Variants in FBXO31 observed in about 807,000 individuals in gnomAD.
FBXO31 encodes F-box protein 31, also known as F-box only protein 31.
Under a neutral mutation model 54.4 loss-of-function variants are expected in FBXO31, and 24 were observed. The ratio of observed to expected loss-of-function variants is 0.44; its 90% CI spans 0.32 to 0.62. The LOEUF (loss-of-function observed/expected upper bound fraction) is 0.62. FBXO31 is among the 20% of genes least tolerant of loss of function. The probability of loss-of-function intolerance (pLI) is 0.05; values close to 1 mark genes in which losing one functional copy is unlikely to be tolerated. For missense variants in FBXO31, 665 were observed against 787.1 expected, an observed-to-expected ratio of 0.84 and a Z score of 1.86; for synonymous variants, 388 against 335.6, an observed-to-expected ratio of 1.16 and a Z score of -1.71.
chr16:87,342,910 C>T lies in FBXO31; in HGVS notation c.699G>A (p.Thr233=), dbSNP rs377117956. ...TCCCGCCGGACATCCTGTGGTGGTC[C>T]GTCTGGTTGCACTTGGTGGAGAACT... The part of the protein sequence containing the change: ...KDEFSTKCNQ[T]DHHRMSGGRQ... Residue 233 remains threonine, a synonymous_variant, in exon 5 of 9, where the codon ACG becomes ACA. Transcript: ENST00000311635. 2.9e-5 allele frequency: 46 copies of T among 1,607,638 alleles called. No individual in the cohort carries two copies. The East Asian group carries it at 4.9e-4, about 17-fold the overall frequency.
chr16:87,340,510 A>C (rs1278741754), intron 5 of FBXO31, among the ~76,000 whole-genome samples: 2 of 152,260 alleles, frequency 1.3e-5, no homozygotes, highest in Non-Finnish European at 2.9e-5. Context: ...CTTACATTTC[A>C]CATCAGAATA....
At chr16:87,386,384 A>G (rs545056751), upstream of FBXO31, among the ~76,000 whole-genome samples, 2 of 152,322 alleles carry the variant, frequency 1.3e-5, no homozygotes, top group Admixed American at 6.5e-5. Context: ...TGGTATGCAG[A>G]TGAATTGTAT....
chr16:87,354,468 C>CA (rs370591404), intron 2 of FBXO31, among the ~76,000 whole-genome samples: 34,912 of 141,730 alleles, frequency 0.25, 5,338 homozygotes, highest in East Asian at 0.75. Flanking sequence ...GATCCTGTCT[C>CA]AAAAAAAAAA....
intron 1 of FBXO31, among the ~76,000 whole-genome samples, chr16:87,381,515 C>A (rs370340715): frequency 6.6e-6 from 1 of 152,196 alleles, no homozygotes; most frequent in Non-Finnish European, 1.5e-5. Flanking sequence ...CAGATAAACA[C>A]GAGCCTGGGC....
intron 1 of FBXO31, among the ~76,000 whole-genome samples, chr16:87,380,560 T>C (rs549296825): frequency 6.6e-6 from 1 of 152,240 alleles, no homozygotes; most frequent in Admixed American, 6.5e-5. Flanking sequence ...GGCTAACTTT[T>C]GTATTTTTTG....
At chr16:87,371,306 G>A (rs1241394261) in intron 1 of FBXO31, among the ~76,000 whole-genome samples, 2 of 152,142 alleles carry the variant, frequency 1.3e-5, no homozygotes, top group Non-Finnish European at 2.9e-5. Flanking sequence ...CAGGACTTCC[G>A]CCCCTCCTCT....
At chr16:87,374,249 A>G (rs1906727008) in intron 1 of FBXO31, among the ~76,000 whole-genome samples, 1 of 151,990 alleles carries the variant, frequency 6.6e-6, no homozygotes, top group Non-Finnish European at 1.5e-5. Context: ...ACAAAAAGAA[A>G]AAAAAAAAAA....
chr16:87,383,857 C>T (rs1038933414), upstream of FBXO31: 6 of 779,126 alleles, frequency 7.7e-6, no homozygotes, highest in African/African-American at 9.3e-5. The surrounding 1 kb of genome is among the most constrained non-coding windows in gnomAD (Gnocchi z 4.9). Context: ...CCTGGAGAGC[C>T]TAGCCCCGCC....
chr16:87,369,490 C>T (rs1427086156), intron 1 of FBXO31, among the ~76,000 whole-genome samples: 2 of 152,202 alleles, frequency 1.3e-5, no homozygotes, highest in East Asian at 3.8e-4. Flanking sequence ...CCTTCAGCTG[C>T]GTGCATCATC....
At chr16:87,385,457 C>CAA (rs531673191), upstream of FBXO31, among the ~76,000 whole-genome samples, 250 of 121,850 alleles carry the variant, frequency 2.1e-3, no homozygotes, top group Admixed American at 4.8e-3. Context: ...GACTCTGTCT[C>CAA]AAAAAAAAAA....
intron 1 of FBXO31, 85 bp from the exon 2 acceptor site, chr16:87,360,451 G>A: frequency 1.7e-6 from 2 of 1,152,728 alleles, no homozygotes; most frequent in Non-Finnish European, 2.6e-6. Flanking sequence ...GCTGGCAGGG[G>A]AGGTGCACAC....
chr16:87,349,866 G>A (rs984599522), intron 2 of FBXO31, among the ~76,000 whole-genome samples: 2 of 151,096 alleles, frequency 1.3e-5, no homozygotes, highest in Middle Eastern at 3.4e-3. Flanking sequence ...CTATGATCGT[G>A]CCACTGCACT....
Position 87,336,230 on chromosome 16 carries a change from C to T in FBXO31, c.767G>A (p.Arg256His), listed in dbSNP as rs1219241531. The change falls in exon 6 of 9, where the codon CGC (arginine) becomes CAC (histidine). Residue 256 changes from arginine to histidine, a missense_variant. Arg to His is a conservative substitution (Grantham distance 29). Transcript: ENST00000311635. The surrounding 1 kb of genome is among the most constrained non-coding windows in gnomAD (Gnocchi z 6.5). Reference sequence around the variant, plus strand: ...CTCGTGGAAGATGTCCTCCAGCGTGCGCCCCCATTCCTCCCTCAGCCACGT... The same window carrying T: ...CTCGTGGAAGATGTCCTCCAGCGTGTGCCCCCATTCCTCCCTCAGCCACGT... ...FRTWLREEWG[R>H]TLEDIFHEHM... 4.3e-6 allele frequency: 7 copies of T among 1,614,058 alleles called. No homozygotes were observed. Among genetic ancestry groups the T allele is most frequent in the South Asian group, 1.1e-5 (1 of 91,088 alleles).
In FBXO31 at chr16:87,373,406, C is replaced by T. The variant is rs1219472421; in HGVS notation, c.340+9999G>A. Reference sequence around the variant, plus strand: ...GGTGGAGCTTGCAGTGAGCCGAGATCGCGCCACTGCACTCCAGCCTGGGCG... The same window carrying T: ...GGTGGAGCTTGCAGTGAGCCGAGATTGCGCCACTGCACTCCAGCCTGGGCG... On this transcript the variant is annotated intron_variant, in intron 1 of 8. Transcript: ENST00000311635. Among the ~76,000 whole-genome samples the T allele has an allele frequency of 3.9e-5, 6 of 152,014 alleles. No homozygotes were observed. In the South Asian group the frequency reaches 8.3e-4, roughly 21 times the overall value.
In FBXO31 at chr16:87,345,043, C is replaced by A. The variant is rs1195087340; in HGVS notation, c.490-1278G>T. 2.0e-5 allele frequency among the ~76,000 whole-genome samples: 3 copies of A among 147,852 alleles called. No individual in the cohort carries two copies. ...CGAACCCCACCTGAGGAACAAAGCCCAGAGCCACAGAGGAGCCATCTGCCC... is the reference window on the plus strand; with the variant it reads ...CGAACCCCACCTGAGGAACAAAGCCAAGAGCCACAGAGGAGCCATCTGCCC... On this transcript the variant is annotated intron_variant, in intron 3 of 8. Transcript: ENST00000311635. This position sits in a 1 kb window ranked among gnomAD's most constrained non-coding sequence, Gnocchi z 4.9.
Position 87,338,015 on chromosome 16 carries a change from G to C in FBXO31, c.733-1751C>G, listed in dbSNP as rs1010844523. Among the ~76,000 whole-genome samples the C allele has an allele frequency of 3.9e-5, 6 of 152,260 alleles. No individual in the cohort carries two copies. Among genetic ancestry groups the C allele is most frequent in the South Asian group, 2.1e-4 (1 of 4,824 alleles). ...CTTTAAATAACAGATAGAAACAAAA[G>C]TAACTGAATGTAATGAACAAAGATT... On this transcript the variant is annotated intron_variant, in intron 5 of 8. Transcript: ENST00000311635. This position sits in a 1 kb window ranked among gnomAD's most constrained non-coding sequence, Gnocchi z 4.3.
At chr16:87,385,373 G>C (rs1220596025), upstream of FBXO31, among the ~76,000 whole-genome samples, 1 of 151,768 alleles carries the variant, frequency 6.6e-6, no homozygotes. Flanking sequence ...CAGGAGAATG[G>C]TGTGAACCCG....
intron 1 of FBXO31, among the ~76,000 whole-genome samples, chr16:87,373,836 C>T (rs770802450): frequency 2.0e-5 from 3 of 152,224 alleles, no homozygotes; most frequent in Non-Finnish European, 4.4e-5. Flanking sequence ...GCACTTTCTT[C>T]TGCATTCAAA....
At chr16:87,372,867 G>C (rs1013169723) in intron 1 of FBXO31, among the ~76,000 whole-genome samples, 1 of 151,462 alleles carries the variant, frequency 6.6e-6, no homozygotes, top group Non-Finnish European at 1.5e-5. Flanking sequence ...CTCCCAAGTA[G>C]CTGGGACTAC....
Sources: allele counts gnomAD v4.1 joint callset (sites outside exome capture counted in the v4.1 genomes callset), GRCh38; gene constraint gnomAD v4.1.1; non-coding constraint Gnocchi (gnomAD v3.1); transcripts MANE v1.5; gene names NCBI Gene and HGNC (gene_info 2026-07-23, HGNC 2026-07-21).